FGF14: variants seen among roughly 807,000 people sequenced by gnomAD.
FGF14 encodes the protein fibroblast growth factor 14.
A neutral mutation model predicts 25.5 loss-of-function variants in FGF14; 5 were observed. The observed-to-expected ratio is 0.20, with a 90% CI of 0.10 to 0.41. The LOEUF (loss-of-function observed/expected upper bound fraction) is 0.41, where lower values mean the gene tolerates loss of function less well. Ranked by LOEUF, FGF14 falls within the 10% of genes least tolerant of loss-of-function variation. The pLI is 1.00. For missense variants in FGF14, 222 were observed against 320.1 expected (o/e 0.69, Z 2.34); for synonymous variants, 138 against 118.3 (o/e 1.17, Z -1.08).
At chr13:101,960,675 T>A (rs72662462) in intron 1 of FGF14, among the ~76,000 whole-genome samples, 4 of 152,198 alleles carry the variant, frequency 2.6e-5, no homozygotes, top group African/African-American at 7.2e-5. Context: ...ATCTTTACAA[T>A]AGAATGATTT....
chr13:102,377,213 G>A (rs1453099237), intron 1 of FGF14, among the ~76,000 whole-genome samples: 1 of 152,106 alleles, frequency 6.6e-6, no homozygotes, highest in African/African-American at 2.4e-5. Context: ...ATAGTGTTCA[G>A]GTGTGAGCAG....
chr13:101,885,018 A>T (rs1182929929), intron 1 of FGF14, among the ~76,000 whole-genome samples: 1 of 152,170 alleles, frequency 6.6e-6, no homozygotes, highest in Non-Finnish European at 1.5e-5. Flanking sequence ...TTCTTATAAA[A>T]TTGTTAAAAG....
In FGF14 at chr13:102,151,861, T is replaced by C. The variant is rs75030839; in HGVS notation, c.208+249610A>G. Among the ~76,000 whole-genome samples, 884 of 152,304 alleles carry C rather than the reference T, an allele frequency of 5.8e-3. 16 individuals are homozygous for C. Among genetic ancestry groups the C allele is most frequent in the East Asian group, 0.039 (203 of 5,182 alleles). On this transcript the variant is annotated intron_variant, in intron 1 of 4. Coordinates refer to the FGF14 transcript ENST00000376131. ...ATGACTCACATTAGTAGATAATACT[T>C]ACATAATATTTATATTTATGTAACT...
intron 1 of FGF14, among the ~76,000 whole-genome samples, chr13:101,988,414 T>C (rs1220261367): frequency 6.6e-6 from 1 of 151,954 alleles, no homozygotes; most frequent in East Asian, 1.9e-4. Context: ...AAATAAATGT[T>C]TTGCTATTGC....
At chr13:101,767,777 G>A (rs1240536955) in intron 3 of FGF14, among the ~76,000 whole-genome samples, 1 of 152,016 alleles carries the variant, frequency 6.6e-6, no homozygotes, top group Non-Finnish European at 1.5e-5. Flanking sequence ...ACCCTGTTGG[G>A]ACAAAGCTCT....
chr13:102,283,811 C>T (rs1019301228), intron 1 of FGF14, among the ~76,000 whole-genome samples: 3 of 152,178 alleles, frequency 2.0e-5, no homozygotes, highest in Admixed American at 2.0e-4. Context: ...CTGCCACTCA[C>T]TAGCTTTGTA....
intron 1 of FGF14, among the ~76,000 whole-genome samples, chr13:102,314,511 A>G (rs2055925233): frequency 6.6e-6 from 1 of 152,210 alleles, no homozygotes; most frequent in Non-Finnish European, 1.5e-5. Context: ...TTTTCCAGAT[A>G]CTGTACTAGA....
At chr13:101,928,501 G>A (rs1198585723) in intron 1 of FGF14, among the ~76,000 whole-genome samples, 6 of 151,434 alleles carry the variant, frequency 4.0e-5, no homozygotes, top group African/African-American at 9.7e-5. Flanking sequence ...AATTTTATTC[G>A]TTTATGGCTT....
At chr13:102,126,739 G>A (rs76132130) in intron 1 of FGF14, among the ~76,000 whole-genome samples, 2 of 152,038 alleles carry the variant, frequency 1.3e-5, no homozygotes, top group East Asian at 3.9e-4. Context: ...TAACTCTTAT[G>A]GATCATTTCC....
intron 3 of FGF14, among the ~76,000 whole-genome samples, chr13:101,823,928 T>TC (rs2042283443): frequency 2.0e-5 from 3 of 151,470 alleles, no homozygotes; most frequent in Admixed American, 6.6e-5. Context: ...TAATCAATTA[T>TC]AATATTTATG....
chr13:101,913,657 A>T (rs1467803955), intron 1 of FGF14, among the ~76,000 whole-genome samples: 1 of 151,954 alleles, frequency 6.6e-6, no homozygotes, highest in Non-Finnish European at 1.5e-5. Flanking sequence ...CAATGGGACA[A>T]TATTTTTTCC....
chr13:102,304,168 C>T (rs1026313131), intron 1 of FGF14, among the ~76,000 whole-genome samples: 1 of 151,966 alleles, frequency 6.6e-6, no homozygotes, highest in Non-Finnish European at 1.5e-5. Context: ...TGATAAATAG[C>T]AAGGTATACA....
intron 1 of FGF14, among the ~76,000 whole-genome samples, chr13:101,911,990 C>T (rs1205040191): frequency 1.4e-5 from 2 of 145,944 alleles, no homozygotes; most frequent in African/African-American, 2.6e-5. Flanking sequence ...AAAACAGTAG[C>T]GCACAAAAAC....
intron 1 of FGF14, among the ~76,000 whole-genome samples, chr13:101,991,479 T>G (rs1410576600): frequency 1.3e-5 from 2 of 152,002 alleles, no homozygotes; most frequent in Non-Finnish European, 2.9e-5. Context: ...AACAGAAAAA[T>G]TATGGACTTC....
chr13:102,089,738 T>C (rs1260610651), intron 1 of FGF14, among the ~76,000 whole-genome samples: 3 of 152,186 alleles, frequency 2.0e-5, no homozygotes, highest in East Asian at 3.8e-4. Context: ...TTACAAGACA[T>C]AGAAATTGAA....
At chr13:102,357,399 T>C (rs1464637561) in intron 1 of FGF14, among the ~76,000 whole-genome samples, 2 of 152,108 alleles carry the variant, frequency 1.3e-5, no homozygotes, top group Non-Finnish European at 2.9e-5. Flanking sequence ...ACACGGAAGT[T>C]CTACCAATAG....
chr13:101,982,806 A>G (rs2038346838), intron 1 of FGF14, among the ~76,000 whole-genome samples: 1 of 152,232 alleles, frequency 6.6e-6, no homozygotes, highest in South Asian at 2.1e-4. Context: ...TTTATCTTGC[A>G]TAAATATGAA....
At chr13:101,920,252 T>C (rs1048096270), upstream of FGF14, among the ~76,000 whole-genome samples, 1 of 152,156 alleles carries the variant, frequency 6.6e-6, no homozygotes, top group East Asian at 1.9e-4. Context: ...CTCCTTGGAG[T>C]TGTTAATTTT....
intron 1 of FGF14, among the ~76,000 whole-genome samples, chr13:102,008,163 C>A (rs947524335): frequency 6.6e-6 from 1 of 152,190 alleles, no homozygotes; most frequent in Non-Finnish European, 1.5e-5. Context: ...AATCAGATTA[C>A]CAACTGCCAT....
Sources: allele counts gnomAD v4.1 joint callset (sites outside exome capture counted in the v4.1 genomes callset), GRCh38; gene constraint gnomAD v4.1.1; transcripts MANE v1.5; gene names NCBI Gene and HGNC (gene_info 2026-07-23, HGNC 2026-07-21).